ABCG1: variants seen among roughly 807,000 people sequenced by gnomAD.
ABCG1 encodes the protein ATP-binding cassette sub-family G member 1.
ABCG1 carries 29 observed loss-of-function variants against 69.2 expected under a neutral mutation model. The observed-to-expected ratio is 0.42, with a 90% CI of 0.31 to 0.57. ABCG1 has a LOEUF of 0.57. Among genes scored for constraint, ABCG1 ranks in the 20% least tolerant of loss-of-function variants. The pLI is 0.15. For missense variants in ABCG1, 718 were observed against 898.1 expected (o/e 0.80, Z 2.56); for synonymous variants, 370 against 374.8 (o/e 0.99, Z 0.15).
chr21:42,244,573 G>C (rs1443736164), intron 2 of ABCG1, among the ~76,000 whole-genome samples: 1 of 152,122 alleles, frequency 6.6e-6, no homozygotes, highest in Non-Finnish European at 1.5e-5. Context: ...TTTTTTTGGT[G>C]AAGAAATTGA....
intron 2 of ABCG1, among the ~76,000 whole-genome samples, chr21:42,245,313 C>A (rs1276686502): frequency 6.6e-6 from 1 of 152,216 alleles, no homozygotes; most frequent in African/African-American, 2.4e-5. Flanking sequence ...TACAAGGAAC[C>A]TGTTGGGTTG....
chr21:42,273,534 C>A lies in ABCG1; in HGVS notation c.537+99C>A. 2.8e-6 allele frequency: 4 copies of A among 1,422,946 alleles called. No individual in the cohort carries two copies. The highest frequency in any genetic ancestry group is 3.8e-6 in the Non-Finnish European group (4 of 1,055,856). 88.1% of individuals were successfully genotyped at this position (1,422,946 alleles called of 1,614,324 possible). A position where few individuals can be genotyped will look rare whatever the true frequency, so the allele number is the denominator to read the frequency against. On this transcript the variant is annotated intron_variant, in intron 4 of 14. Transcript: ENST00000398449. The surrounding 1 kb of genome is among the most constrained non-coding windows in gnomAD (Gnocchi z 5.3). Reference sequence around the variant, plus strand: ...GCCGAGTGCCCAGCTGCGAGGGACCCAAGGGCTCTGCCACGCGGCCTGCAC... The same window carrying A: ...GCCGAGTGCCCAGCTGCGAGGGACCAAAGGGCTCTGCCACGCGGCCTGCAC...
chr21:42,209,532 C>T (rs1239518422), intron 2 of ABCG1, among the ~76,000 whole-genome samples: 1 of 152,190 alleles, frequency 6.6e-6, no homozygotes, highest in African/African-American at 2.4e-5. Context: ...GAAGAAAAAG[C>T]TAAGGGTTAG....
intron 2 of ABCG1, among the ~76,000 whole-genome samples, chr21:42,268,388 T>C (rs170440): frequency 0.087 from 9,554 of 110,038 alleles, 887 homozygotes; most frequent in African/African-American, 0.25. Flanking sequence ...TGTGTGTGTG[T>C]GCGCGCGCGC....
intron 2 of ABCG1, among the ~76,000 whole-genome samples, chr21:42,236,993 GC>G (rs2067986813): frequency 6.6e-6 from 1 of 152,176 alleles, no homozygotes; most frequent in Non-Finnish European, 1.5e-5. Context: ...CCAGAAAATG[GC>G]CGTGTCCTGA....
chr21:42,241,999 A>G, intron 2 of ABCG1, among the ~76,000 whole-genome samples: 1 of 150,072 alleles, frequency 6.7e-6, no homozygotes, highest in Non-Finnish European at 1.5e-5. Flanking sequence ...AAAAAAAAGA[A>G]CTCCCCATGG....
chr21:42,260,883 A>T (rs1002094636), intron 2 of ABCG1, among the ~76,000 whole-genome samples: 1 of 151,182 alleles, frequency 6.6e-6, no homozygotes, highest in Admixed American at 6.6e-5. Flanking sequence ...CAGTGGCACC[A>T]TCTCAGCTCA....
upstream of ABCG1, among the ~76,000 whole-genome samples, chr21:42,213,537 A>C (rs529807410): frequency 1.8e-4 from 28 of 152,342 alleles, no homozygotes; most frequent in African/African-American, 6.5e-4. Context: ...GGGCCACCTG[A>C]AGACCTCAGA....
chr21:42,275,636 T>C lies in ABCG1; in HGVS notation c.538-1259T>C, dbSNP rs146652353. On this transcript the variant is annotated intron_variant, in intron 4 of 14. Coordinates refer to ENST00000398449, the MANE Select transcript of ABCG1 (RefSeq NM_016818.3). ...GGACCGCAGCTCAATGGCTGCATTC[T>C]CCACAGATGCGACTAGGGACTCCTG... Among the ~76,000 whole-genome samples, 1,220 of 152,306 alleles carry C rather than the reference T, an allele frequency of 8.0e-3. 11 individuals are homozygous for C. The highest frequency in any genetic ancestry group is 0.017 in the Middle Eastern group (5 of 294).
chr21:42,218,009 C>T (rs1227849330), upstream of ABCG1, among the ~76,000 whole-genome samples: 2 of 152,106 alleles, frequency 1.3e-5, no homozygotes, highest in Non-Finnish European at 2.9e-5. Flanking sequence ...AAAGGCAAGG[C>T]CTCCCACTTA....
chr21:42,200,797 C>T (rs1569197646), intron 1 of ABCG1, among the ~76,000 whole-genome samples: 1 of 152,088 alleles, frequency 6.6e-6, no homozygotes, highest in Non-Finnish European at 1.5e-5. Context: ...CCATGTTGGC[C>T]AGGCTGGTCT....
intron 5 of ABCG1, 119 bp from the exon 6 acceptor site, chr21:42,282,155 G>T: frequency 7.1e-7 from 1 of 1,400,070 alleles, no homozygotes; most frequent in Middle Eastern, 2.7e-4. Flanking sequence ...GCCTCCACGT[G>T]GGCCAGGCAC....
chr21:42,276,288 C>T lies in ABCG1; in HGVS notation c.538-607C>T, dbSNP rs2068709505. 1 of 152,354 alleles carries T rather than the reference C, an allele frequency of 6.6e-6. No homozygotes were observed. Among genetic ancestry groups the T allele is most frequent in the Non-Finnish European group, 1.5e-5 (1 of 68,162 alleles). 9.4% of individuals were successfully genotyped at this position (152,354 alleles called of 1,614,324 possible). Reference sequence around the variant, plus strand: ...AAACGCGGCATCCTGACGTGTCGCCCTCGTAAATTCCTGTGCTGTAAAGAC... The same window carrying T: ...AAACGCGGCATCCTGACGTGTCGCCTTCGTAAATTCCTGTGCTGTAAAGAC... On this transcript the variant is annotated intron_variant, in intron 4 of 14. Transcript: ENST00000398449. This position sits in a 1 kb window ranked among gnomAD's most constrained non-coding sequence, Gnocchi z 5.3.
chr21:42,246,526 CTT>C (rs2068136338), intron 2 of ABCG1, among the ~76,000 whole-genome samples: 1 of 152,184 alleles, frequency 6.6e-6, no homozygotes, highest in Admixed American at 6.5e-5. Context: ...ATTTCATGAG[CTT>C]TTAAGTTTCT....
intron 2 of ABCG1, among the ~76,000 whole-genome samples, chr21:42,261,895 C>T (rs1303175484): frequency 6.6e-6 from 1 of 152,202 alleles, no homozygotes; most frequent in African/African-American, 2.4e-5. Context: ...GTGCCCACTT[C>T]ACCTGGTCCC....
intron 2 of ABCG1, among the ~76,000 whole-genome samples, chr21:42,250,623 G>A (rs1009852335): frequency 2.6e-5 from 4 of 152,358 alleles, no homozygotes. Context: ...TGGTCATTGA[G>A]ATTTTAGTTC....
intron 5 of ABCG1, among the ~76,000 whole-genome samples, chr21:42,278,130 A>G (rs2068742660): frequency 6.6e-6 from 1 of 152,230 alleles, no homozygotes; most frequent in Non-Finnish European, 1.5e-5. Context: ...TTGAAAAGAA[A>G]ATGGATGAGT....
chr21:42,212,732 A>C (rs989239170), upstream of ABCG1, among the ~76,000 whole-genome samples: 1 of 141,028 alleles, frequency 7.1e-6, no homozygotes, highest in African/African-American at 2.7e-5. Context: ...TTTGAGACGG[A>C]CTCTTGCTGT....
chr21:42,284,656 C>T lies in ABCG1; in HGVS notation c.831C>T (p.Ser277=), dbSNP rs775463650. 2.7e-5 allele frequency: 43 copies of T among 1,613,688 alleles called. No homozygotes were observed. The highest frequency in any genetic ancestry group is 1.8e-4 in the East Asian group (8 of 44,896). The change falls in exon 7 of 15, where the codon AGC becomes AGT. Residue 277 remains serine, a synonymous_variant. Transcript: ENST00000398449. ...RSIICTIHQP[S]AKLFELFDQL... Reference sequence around the variant, plus strand: ...TCATTTGCACCATCCACCAGCCCAGCGCCAAACTCTTCGAGCTGTTCGACC... The same window carrying T: ...TCATTTGCACCATCCACCAGCCCAGTGCCAAACTCTTCGAGCTGTTCGACC...
Sources: allele counts gnomAD v4.1 joint callset (sites outside exome capture counted in the v4.1 genomes callset), GRCh38; gene constraint gnomAD v4.1.1; non-coding constraint Gnocchi (gnomAD v3.1); transcripts MANE v1.5; gene names NCBI Gene and HGNC (gene_info 2026-07-23, HGNC 2026-07-21).